The following NFIB variants were observed in gnomAD, a reference collection of about 807,000 sequenced individuals.
The protein encoded by NFIB is nuclear factor I B.
NFIB carries 11 observed loss-of-function variants against 61.5 expected under a neutral mutation model. The observed-to-expected ratio is 0.18, with a 90% CI of 0.11 to 0.30. The LOEUF is 0.30. Ranked by LOEUF, NFIB falls within the 10% of genes least tolerant of loss-of-function variation. The pLI, the probability that NFIB is intolerant of heterozygous loss-of-function variation, is 1.00. For synonymous variants in NFIB, 260 were observed against 216.5 expected (o/e 1.20, Z -1.76); for missense variants, 471 against 608.9 (o/e 0.77, Z 2.38).
chr9:14,217,912 A>G (rs1186029072), intron 2 of NFIB, among the ~76,000 whole-genome samples: 1 of 152,210 alleles, frequency 6.6e-6, no homozygotes, highest in Non-Finnish European at 1.5e-5. Context: ...GGGTTAAGTC[A>G]GAATGAAGGT....
At chr9:14,278,438 C>A (rs1227022379) in intron 2 of NFIB, among the ~76,000 whole-genome samples, 1 of 152,184 alleles carries the variant, frequency 6.6e-6, no homozygotes, top group Non-Finnish European at 1.5e-5. Context: ...TTATTTTGCA[C>A]CTCCAAAACT....
intron 2 of NFIB, among the ~76,000 whole-genome samples, chr9:14,279,144 G>T (rs2058202199): frequency 6.6e-6 from 1 of 151,998 alleles, no homozygotes; most frequent in South Asian, 2.1e-4. Flanking sequence ...TTATCCTCAG[G>T]AGTGATTGTT....
chr9:14,385,280 TG>T (rs1448084172), intron 1 of NFIB, among the ~76,000 whole-genome samples: 2 of 152,312 alleles, frequency 1.3e-5, no homozygotes, highest in East Asian at 3.9e-4. Flanking sequence ...CTGGCAAACT[TG>T]GGACCCAAGC....
chr9:14,365,145 A>G (rs1298348874), intron 1 of NFIB, among the ~76,000 whole-genome samples: 1 of 152,222 alleles, frequency 6.6e-6, no homozygotes, highest in South Asian at 2.1e-4. Flanking sequence ...GACTTAGTAA[A>G]TGTTGGCTAT....
At position 14,145,616 on chromosome 9, in the gene NFIB, C is replaced by T. The variant is rs974873359; in HGVS notation, c.925+1073G>A. Among the ~76,000 whole-genome samples, 4 of 151,512 alleles carry T rather than the reference C, an allele frequency of 2.6e-5. No individual in the cohort carries two copies. The Admixed American group carries it at 2.6e-4, about 10-fold the overall frequency. On this transcript the variant is annotated intron_variant, in intron 6 of 10. Coordinates refer to ENST00000380953, the MANE Select transcript of NFIB (RefSeq NM_001190737.2). ...AACCCTCACCAATACACACCCAAGT[C>T]CTGGGCTGAAAACCATTATTCCTTT...
chr9:14,179,209 GA>G (rs922577243), intron 3 of NFIB, among the ~76,000 whole-genome samples: 14 of 148,164 alleles, frequency 9.4e-5, no homozygotes, highest in East Asian at 3.9e-4. Context: ...TTATGCTAAA[GA>G]AAAAAAAAAT....
chr9:14,248,642 T>C (rs779110209), intron 2 of NFIB, among the ~76,000 whole-genome samples: 4 of 152,144 alleles, frequency 2.6e-5, no homozygotes, highest in Non-Finnish European at 5.9e-5. Flanking sequence ...TCTGAGATCA[T>C]GTAGTTTGGG....
chr9:14,089,080 C>T (rs1274827481), intron 10 of NFIB, among the ~76,000 whole-genome samples: 1 of 152,112 alleles, frequency 6.6e-6, no homozygotes, highest in African/African-American at 2.4e-5. Context: ...AGTTCTATAG[C>T]TCTCCAGCAG....
chr9:14,414,605 T>C, the NFIB span, among the ~76,000 whole-genome samples: 1 of 149,652 alleles, frequency 6.7e-6, no homozygotes, highest in Non-Finnish European at 1.5e-5. Context: ...TAAAACGGAG[T>C]TCATAATAGT....
chr9:14,503,438 T>C, the NFIB span, among the ~76,000 whole-genome samples: 1 of 152,170 alleles, frequency 6.6e-6, no homozygotes, highest in African/African-American at 2.4e-5. Flanking sequence ...TTTCACCACA[T>C]CCACCAACAT....
At chr9:14,145,135 G>C (rs1379142954) in intron 6 of NFIB, among the ~76,000 whole-genome samples, 2 of 152,024 alleles carry the variant, frequency 1.3e-5, no homozygotes, top group African/African-American at 4.8e-5. Context: ...TCTGAGGGGG[G>C]GGTCTCACAG....
intron 3 of NFIB, among the ~76,000 whole-genome samples, chr9:14,158,180 T>G (rs549563056): frequency 3.9e-4 from 59 of 151,884 alleles, no homozygotes; most frequent in Non-Finnish European, 4.4e-4. Flanking sequence ...ACAGCTCATA[T>G]ACTTAACCAG....
chr9:14,441,189 C>A, the NFIB span, among the ~76,000 whole-genome samples: 2 of 142,966 alleles, frequency 1.4e-5, no homozygotes, highest in Admixed American at 6.9e-5. Flanking sequence ...GGACGGAAAA[C>A]CAGCCTAATT....
chr9:14,298,683 G>T (rs1477216380), intron 2 of NFIB, among the ~76,000 whole-genome samples: 1 of 152,092 alleles, frequency 6.6e-6, no homozygotes, highest in East Asian at 1.9e-4. Flanking sequence ...GGCGGGCTTG[G>T]GCCTTTTTGT....
chr9:14,141,591 T>G (rs1220776039), intron 6 of NFIB, among the ~76,000 whole-genome samples: 1 of 152,136 alleles, frequency 6.6e-6, no homozygotes, highest in African/African-American at 2.4e-5. Context: ...GGAAACTTAA[T>G]TTATTCATAT....
At chr9:14,438,112 A>G in the NFIB span, among the ~76,000 whole-genome samples, 95 of 149,656 alleles carry the variant, frequency 6.3e-4, no homozygotes, top group African/African-American at 2.1e-3. Context: ...ATGAGGGGGG[A>G]CTGAGAAGCA....
intron 2 of NFIB, among the ~76,000 whole-genome samples, chr9:14,273,950 C>A (rs539281687): frequency 3.9e-5 from 6 of 152,098 alleles, no homozygotes; most frequent in Non-Finnish European, 5.9e-5. Context: ...GGGAAACAGT[C>A]TTTTTTTCAC....
intron 2 of NFIB, among the ~76,000 whole-genome samples, chr9:14,195,667 G>T (rs766723609): frequency 6.6e-6 from 1 of 152,188 alleles, no homozygotes; most frequent in African/African-American, 2.4e-5. Flanking sequence ...GGATCCCAAA[G>T]CCAAAGCTTC....
chr9:14,145,038 C>T (rs2042134416), intron 6 of NFIB, among the ~76,000 whole-genome samples: 1 of 151,978 alleles, frequency 6.6e-6, no homozygotes, highest in African/African-American at 2.4e-5. Flanking sequence ...CTGTTATTTA[C>T]ATTTTATAAA....
Sources: allele counts gnomAD v4.1 joint callset (sites outside exome capture counted in the v4.1 genomes callset), GRCh38; gene constraint gnomAD v4.1.1; transcripts MANE v1.5; gene names NCBI Gene and HGNC (gene_info 2026-07-23, HGNC 2026-07-21).